Variants in PVT1 observed in about 807,000 individuals in gnomAD.
PVT1 encodes the protein Pvt1 oncogene, also known as CXCR4/PVT1 fusion.
At chr8:127,957,335 G>A (rs141882029) in intron 3 of PVT1, among the ~76,000 whole-genome samples, 11 of 152,230 alleles carry the variant, frequency 7.2e-5, no homozygotes, top group Middle Eastern at 3.4e-3. Flanking sequence ...ATGCGAGACC[G>A]AGGTGGGCAG....
At chr8:127,985,144 C>T (rs1250067013) in intron 3 of PVT1, among the ~76,000 whole-genome samples, 1 of 151,502 alleles carries the variant, frequency 6.6e-6, no homozygotes, top group African/African-American at 2.4e-5. Flanking sequence ...AGTGATTCTC[C>T]TGCCTCAACT....
At chr8:127,860,675 G>T (rs1815214174) in intron 2 of PVT1, among the ~76,000 whole-genome samples, 2 of 148,896 alleles carry the variant, frequency 1.3e-5, no homozygotes, top group Admixed American at 1.4e-4. Context: ...TGAGGCAGAA[G>T]AATTGCTTGA....
At chr8:127,845,685 G>C (rs1723388041) in intron 2 of PVT1, among the ~76,000 whole-genome samples, 3 of 152,194 alleles carry the variant, frequency 2.0e-5, no homozygotes, top group Admixed American at 6.5e-5. Context: ...GCCGGCAGGG[G>C]CATAAATAAT....
At chr8:127,905,159 G>C (rs1815804534) in intron 3 of PVT1, among the ~76,000 whole-genome samples, 1 of 152,196 alleles carries the variant, frequency 6.6e-6, no homozygotes, top group African/African-American at 2.4e-5. Flanking sequence ...GAATACTTAA[G>C]AATCCAACTG....
chr8:128,064,242 G>A (rs1813871535), intron 4 of PVT1, among the ~76,000 whole-genome samples: 2 of 152,330 alleles, frequency 1.3e-5, no homozygotes, highest in South Asian at 4.1e-4. Context: ...CTCAGACTGA[G>A]TTTGAGTATT....
intron 2 of PVT1, among the ~76,000 whole-genome samples, chr8:127,817,189 T>C (rs1293932552): frequency 6.6e-6 from 1 of 151,848 alleles, no homozygotes; most frequent in Non-Finnish European, 1.5e-5. Flanking sequence ...TCAGCAATCA[T>C]CTCAAAAGAA....
intron 2 of PVT1, among the ~76,000 whole-genome samples, chr8:127,855,874 C>T (rs1217746885): frequency 6.6e-6 from 1 of 152,224 alleles, no homozygotes; most frequent in Admixed American, 6.5e-5. Context: ...GGGCCCCACA[C>T]CTGTGCAGCC....
chr8:127,887,458 C>T (rs1321737316), intron 2 of PVT1, among the ~76,000 whole-genome samples: 1 of 152,170 alleles, frequency 6.6e-6, no homozygotes, highest in African/African-American at 2.4e-5. Context: ...GGAACTGCTT[C>T]AATAGGAACT....
chr8:128,008,866 G>A (rs1338138744), intron 4 of PVT1: 1 of 493,498 alleles, frequency 2.0e-6, no homozygotes, highest in East Asian at 5.6e-5. Flanking sequence ...GGAACTAGAA[G>A]CTATGGTCAG....
At chr8:127,862,576 A>G (rs1020666005) in intron 2 of PVT1, among the ~76,000 whole-genome samples, 3 of 152,106 alleles carry the variant, frequency 2.0e-5, no homozygotes, top group Non-Finnish European at 4.4e-5. Flanking sequence ...GCACACCACT[A>G]TGCCCAGCTA....
intron 6 of PVT1, among the ~76,000 whole-genome samples, chr8:128,100,436 G>C (rs990336645): frequency 1.3e-5 from 2 of 152,146 alleles, no homozygotes; most frequent in Non-Finnish European, 2.9e-5. Context: ...CATCCACATG[G>C]ACGGGAATGA....
chr8:127,906,230 C>T (rs2129834716), intron 3 of PVT1, among the ~76,000 whole-genome samples: 1 of 152,248 alleles, frequency 6.6e-6, no homozygotes, highest in African/African-American at 2.4e-5. Context: ...CCTGTCAATT[C>T]CTTTGTCCTT....
intron 2 of PVT1, among the ~76,000 whole-genome samples, chr8:127,799,784 T>C (rs1814440920): frequency 6.6e-6 from 1 of 152,186 alleles, no homozygotes; most frequent in South Asian, 2.1e-4. Flanking sequence ...CTGTTCCAAT[T>C]ATTGAGCTTT....
At chr8:127,944,592 T>C (rs1237408494) in intron 3 of PVT1, among the ~76,000 whole-genome samples, 1 of 151,530 alleles carries the variant, frequency 6.6e-6, no homozygotes, top group African/African-American at 2.4e-5. Context: ...AGTTCCATTA[T>C]GGACGATCAG....
intron 2 of PVT1, among the ~76,000 whole-genome samples, chr8:127,851,277 C>T (rs1170020977): frequency 2.0e-5 from 3 of 152,096 alleles, no homozygotes; most frequent in Non-Finnish European, 4.4e-5. Flanking sequence ...AGTGGGTGCT[C>T]TTCTGAGGTT....
At chr8:128,010,861 T>C (rs560568722) in intron 4 of PVT1, among the ~76,000 whole-genome samples, 1 of 152,288 alleles carries the variant, frequency 6.6e-6, no homozygotes, top group Admixed American at 6.5e-5. Flanking sequence ...CCCCAGGGGT[T>C]GACACATTTG....
chr8:127,857,173 C>T (rs907450682), intron 2 of PVT1, among the ~76,000 whole-genome samples: 24 of 152,110 alleles, frequency 1.6e-4, no homozygotes, highest in Non-Finnish European at 3.1e-4. Context: ...TTGCAGTGAG[C>T]CAACATTGTG....
At chr8:127,817,652 C>G (rs1414700601) in intron 2 of PVT1, among the ~76,000 whole-genome samples, 3 of 147,786 alleles carry the variant, frequency 2.0e-5, no homozygotes, top group Non-Finnish European at 3.0e-5. Context: ...GAGGCTGAGG[C>G]AGGAGAGTCA....
chr8:127,935,141 T>G (rs1483840713), intron 3 of PVT1, among the ~76,000 whole-genome samples: 1 of 152,092 alleles, frequency 6.6e-6, no homozygotes, highest in Non-Finnish European at 1.5e-5. Context: ...TAATTTTGTA[T>G]TTTTAGTAGA....
Sources: gnomAD v4.1 joint callset for allele counts (sites outside exome capture counted in the v4.1 genomes callset) on GRCh38, gnomAD v4.1.1 for gene constraint, MANE v1.5 for transcripts, NCBI Gene and HGNC (gene_info 2026-07-23, HGNC 2026-07-21) for gene names.